Variants in IPO13 observed in about 807,000 individuals in gnomAD.
IPO13 encodes the protein importin 13, also known as importin-13.
In IPO13, 28 loss-of-function variants were observed where a neutral mutation model predicts 115.5. The ratio of observed to expected loss-of-function variants is 0.24; its 90% CI spans 0.18 to 0.33. IPO13 has a LOEUF of 0.33. IPO13 is among the 10% of genes least tolerant of loss of function. The probability of loss-of-function intolerance (pLI) is 1.00; values close to 1 mark genes in which losing one functional copy is unlikely to be tolerated. For missense variants in IPO13, 785 were observed against 1,204.6 expected, an observed-to-expected ratio of 0.65 and a Z score of 5.16; for synonymous variants, 414 against 478.9, an observed-to-expected ratio of 0.86 and a Z score of 1.77.
At chr1:43,951,266 C>T (rs571507920) in intron 2 of IPO13, among the ~76,000 whole-genome samples, 9 of 152,330 alleles carry the variant, frequency 5.9e-5, no homozygotes, top group African/African-American at 2.2e-4. Flanking sequence ...CAGGAGCTCA[C>T]AGTCTAGTGG....
chr1:43,957,361 C>G, intron 6 of IPO13, 41 bp from the exon 7 acceptor site: 2 of 1,613,642 alleles, frequency 1.2e-6, no homozygotes, highest in Non-Finnish European at 1.7e-6. Flanking sequence ...ACCTGTCACA[C>G]CCTCCTCCTC....
In IPO13 at chr1:43,958,272, C is replaced by T. The variant is rs746165636; in HGVS notation, c.1749+4C>T. The T allele has an allele frequency of 2.8e-5, 46 of 1,614,152 alleles. No individual in the cohort carries two copies. The highest frequency in any genetic ancestry group is 5.0e-5 in the Admixed American group (3 of 60,034). The stretch of plus-strand genomic sequence containing the variant: ...GCTGATGAAACAGATCCACAAGGTG[C>T]GGCTCAAAAGTTTCTAGGGGTCTCC... On this transcript the variant is annotated splice_donor_region_variant and intron_variant, in intron 9 of 19. Transcript: ENST00000372343. This position sits in a 1 kb window ranked among gnomAD's most constrained non-coding sequence, Gnocchi z 6.3.
At position 43,966,972 on chromosome 1, in the gene IPO13, A is replaced by C. The variant is rs1406949364; in HGVS notation, c.2566A>C (p.Lys856Gln). The C allele has an allele frequency of 1.2e-6, 2 of 1,613,622 alleles. No homozygotes were observed. Among genetic ancestry groups the C allele is most frequent in the East Asian group, 2.2e-5 (1 of 44,868 alleles). The change falls in exon 18 of 20, where the codon AAG (lysine) becomes CAG (glutamine). Residue 856 changes from lysine to glutamine, a missense_variant. By Grantham distance (53) the Lys-to-Gln change is moderately conservative (BLOSUM62 1). Coordinates refer to ENST00000372343, the MANE Select transcript of IPO13 (RefSeq NM_014652.4). This position sits in a 1 kb window ranked among gnomAD's most constrained non-coding sequence, Gnocchi z 4.1. Reference protein sequence around the residue: ...PRCGEVESVGKVVQEDGRMLL... With the variant: ...PRCGEVESVGQVVQEDGRMLL... Reference sequence around the variant, plus strand: ...GTGTGGGGAAGTAGAGTCTGTGGGAAAGGTGGTACAGGAAGACGGTCGTAT... The same window carrying C: ...GTGTGGGGAAGTAGAGTCTGTGGGACAGGTGGTACAGGAAGACGGTCGTAT...
Position 43,949,669 on chromosome 1 carries a change from G to A in IPO13, c.337G>A (p.Ala113Thr). Residue 113 changes from alanine (A) to threonine (T), a missense_variant, in exon 2 of 20, where the codon GCC becomes ACC. Around this residue, in one of 3 missense-constraint regions of IPO13, gnomAD observed 325 missense variants for 449.8 expected, o/e 0.72. Coordinates refer to ENST00000372343, the MANE Select transcript of IPO13 (RefSeq NM_014652.4). Reference protein sequence around the residue: ...AQLFTQITRFASGSKIVLTRL... With the variant: ...AQLFTQITRFTSGSKIVLTRL... Reference sequence around the variant, plus strand: ...GCTCTTCACCCAGATCACCCGCTTTGCCAGTGGCTCCAAGATTGTACTGAC... The same window carrying A: ...GCTCTTCACCCAGATCACCCGCTTTACCAGTGGCTCCAAGATTGTACTGAC... 6.2e-7 allele frequency: 1 copy of A among 1,614,234 alleles called. No homozygotes were observed. Among genetic ancestry groups the A allele is most frequent in the South Asian group, 1.1e-5 (1 of 91,088 alleles).
Position 43,967,397 on chromosome 1 carries a change from T to C in IPO13, c.2696T>C (p.Leu899Pro). ...GCCCTGAACAAGCACTGCTTCAGCC[T>C]CCTGAGCATGTGGATCAAGGAGGCC... ...LFALNKHCFS[L>P]LSMWIKEALQ... Residue 899 changes from leucine to proline, a missense_variant, in exon 19 of 20, where the codon CTC becomes CCC. Leu to Pro is a moderately conservative substitution (Grantham distance 98, BLOSUM62 -3). This residue lies in a region of IPO13 where 285 missense variants were observed against 394.8 expected (regional missense o/e 0.72). Transcript: ENST00000372343. The surrounding 1 kb of genome is among the most constrained non-coding windows in gnomAD (Gnocchi z 6.1). 1 of 1,614,158 alleles carries C rather than the reference T, an allele frequency of 6.2e-7. No homozygotes were observed.
chr1:43,963,330 T>C (rs900968326), intron 14 of IPO13, among the ~76,000 whole-genome samples: 1 of 152,214 alleles, frequency 6.6e-6, no homozygotes, highest in Admixed American at 6.5e-5. Context: ...GAGGCAGCAG[T>C]GTCCAACATC....
At chr1:43,953,780 G>A (rs2085225042) in intron 2 of IPO13, among the ~76,000 whole-genome samples, 1 of 152,210 alleles carries the variant, frequency 6.6e-6, no homozygotes, top group Non-Finnish European at 1.5e-5. Context: ...TGGGGATGGA[G>A]GGAAAGTGAA....
Position 43,958,166 on chromosome 1 carries a change from G to A in IPO13, c.1722+8G>A. 1 of 1,614,154 alleles carries A rather than the reference G, an allele frequency of 6.2e-7. No homozygotes were observed. Among genetic ancestry groups the A allele is most frequent in the Non-Finnish European group, 8.5e-7 (1 of 1,180,016 alleles). On this transcript the variant is annotated splice_region_variant and intron_variant, in intron 8 of 19. Coordinates refer to ENST00000372343, the MANE Select transcript of IPO13 (RefSeq NM_014652.4). The surrounding 1 kb of genome is among the most constrained non-coding windows in gnomAD (Gnocchi z 6.3). ...ATTGTGGCTGTGTCCCAGGTATGCA[G>A]GGGCCCTGGATGGTGCTGGGCCTCA...
Position 43,956,416 on chromosome 1 carries a change from T to C in IPO13, c.918T>C (p.His306=). The C allele has an allele frequency of 4.3e-6, 7 of 1,614,114 alleles. No homozygotes were observed. The highest frequency in any genetic ancestry group is 5.9e-6 in the Non-Finnish European group (7 of 1,180,022). Residue 306 remains histidine (H), a synonymous_variant, in exon 3 of 20, where the codon CAT becomes CAC. Coordinates refer to ENST00000372343, the MANE Select transcript of IPO13 (RefSeq NM_014652.4). The surrounding 1 kb of genome is among the most constrained non-coding windows in gnomAD (Gnocchi z 4.7). The stretch of plus-strand genomic sequence containing the variant: ...AGAATGGGGACATGGAGACCTCCCA[T>C]GGCATCTGTCGCATCGCTGTGGCCC... ...AVQNGDMETS[H]GICRIAVALG...
In IPO13 at chr1:43,966,758, T is replaced by C. The variant is rs1250872908; in HGVS notation, c.2499T>C (p.Thr833=). Residue 833 remains threonine, a synonymous_variant, in exon 17 of 20, where the codon ACT becomes ACC. Transcript: ENST00000372343. This position sits in a 1 kb window ranked among gnomAD's most constrained non-coding sequence, Gnocchi z 4.1. ...CCCTCAAGTTCCCTGAGGCACCTACTGTCAAGGCCTCCTGTGGCTTCTTTG... is the reference window on the plus strand; with the variant it reads ...CCCTCAAGTTCCCTGAGGCACCTACCGTCAAGGCCTCCTGTGGCTTCTTTG... The part of the protein sequence containing the change: ...VLALKFPEAP[T]VKASCGFFTE... 1.2e-6 allele frequency: 2 copies of C among 1,614,062 alleles called. No homozygotes were observed. Among genetic ancestry groups the C allele is most frequent in the Non-Finnish European group, 1.7e-6 (2 of 1,180,032 alleles).
At position 43,956,997 on chromosome 1, in the gene IPO13, C is replaced by G; in HGVS notation, c.1271+21C>G. On this transcript the variant is annotated intron_variant, in intron 5 of 19. Transcript: ENST00000372343. This position sits in a 1 kb window ranked among gnomAD's most constrained non-coding sequence, Gnocchi z 4.7. ...TACAGGTGATGGTAGCAGGCCAACT[C>G]CTCTAAAATGGAGTCCAGAAATAAT... is the stretch of plus-strand genomic sequence containing the variant. 6.2e-7 allele frequency: 1 copy of G among 1,611,046 alleles called. No homozygotes were observed. The highest frequency in any genetic ancestry group is 8.5e-7 in the Non-Finnish European group (1 of 1,178,424).
chr1:43,966,559 G>C lies in IPO13; in HGVS notation c.2398-16G>C. On this transcript the variant is annotated splice_polypyrimidine_tract_variant and intron_variant, in intron 15 of 19. Transcript: ENST00000372343. This position sits in a 1 kb window ranked among gnomAD's most constrained non-coding sequence, Gnocchi z 4.1. ...GAGCTGGCTGGGGCTGGGCTTACCA[G>C]CTCCACCTCCTGCAGGCTCTGAAGC... is the stretch of plus-strand genomic sequence containing the variant. The C allele has an allele frequency of 6.2e-7, 1 of 1,613,840 alleles. No individual in the cohort carries two copies. Among genetic ancestry groups the C allele is most frequent in the Non-Finnish European group, 8.5e-7 (1 of 1,179,862 alleles).
intron 14 of IPO13, among the ~76,000 whole-genome samples, chr1:43,964,015 C>T (rs2085306331): frequency 6.6e-6 from 1 of 152,210 alleles, no homozygotes; most frequent in Admixed American, 6.5e-5. Context: ...AGGGGATGGC[C>T]TGAGGAGGAG....
chr1:43,955,173 C>T (rs2085235813), intron 2 of IPO13, among the ~76,000 whole-genome samples: 1 of 152,192 alleles, frequency 6.6e-6, no homozygotes, highest in Non-Finnish European at 1.5e-5. Context: ...CTGCTGCCAC[C>T]ACACTCCTCA....
At chr1:43,948,038 A>G (rs537829271) in intron 1 of IPO13, among the ~76,000 whole-genome samples, 2 of 152,342 alleles carry the variant, frequency 1.3e-5, no homozygotes, top group Non-Finnish European at 1.5e-5. Context: ...GTCTCCTGGA[A>G]TTATACTGAT....
chr1:43,949,870 A>G lies in IPO13; in HGVS notation c.538A>G (p.Ser180Gly). The change falls in exon 2 of 20, where the codon AGT becomes GGT. Residue 180 changes from serine to glycine, a missense_variant. Coordinates refer to ENST00000372343, the MANE Select transcript of IPO13 (RefSeq NM_014652.4). Reference protein sequence around the residue: ...LTVLPEEFQTSRLPQYRKGLV... With the variant: ...LTVLPEEFQTGRLPQYRKGLV... ...AGTGCTGCCTGAGGAGTTCCAGACC[A>G]GTCGCCTACCCCAGTACCGCAAAGG... is the stretch of plus-strand genomic sequence containing the variant. 1 of 1,612,688 alleles carries G rather than the reference A, an allele frequency of 6.2e-7. No individual in the cohort carries two copies. The highest frequency in any genetic ancestry group is 8.5e-7 in the Non-Finnish European group (1 of 1,179,910).
intron 1 of IPO13, 36 bp from the exon 2 acceptor site, chr1:43,949,381 T>C: frequency 1.9e-6 from 3 of 1,542,498 alleles, no homozygotes; most frequent in East Asian, 4.5e-5. Flanking sequence ...GGATCCAGAG[T>C]GGCCAGCACC....
intron 7 of IPO13, 53 bp downstream of exon 7, chr1:43,957,602 C>T (rs984676672): frequency 5.6e-6 from 9 of 1,599,328 alleles, no homozygotes; most frequent in Admixed American, 1.7e-5. Context: ...AGCACCCAAC[C>T]CTGGCCACAG....
At chr1:43,954,022 T>A (rs2085226883) in intron 2 of IPO13, among the ~76,000 whole-genome samples, 2 of 152,216 alleles carry the variant, frequency 1.3e-5, no homozygotes, top group Admixed American at 1.3e-4. Flanking sequence ...ATTTTGAGGC[T>A]CAGATGAGAC....
Sources: gnomAD v4.1 joint callset for allele counts (sites outside exome capture counted in the v4.1 genomes callset) on GRCh38, gnomAD v4.1.1 for gene constraint, gnomAD v4.1.1 regional missense constraint, Gnocchi (gnomAD v3.1) non-coding constraint, MANE v1.5 for transcripts, NCBI Gene and HGNC (gene_info 2026-07-23, HGNC 2026-07-21) for gene names.